Variants in CALN1 observed in about 807,000 individuals in gnomAD.
CALN1 encodes the protein calcium-binding protein 8.
CALN1 carries 17 observed loss-of-function variants against 30.6 expected under a neutral mutation model. The ratio of observed to expected loss-of-function variants is 0.56; its 90% confidence interval spans 0.38 to 0.83. The LOEUF (loss-of-function observed/expected upper bound fraction) is 0.83. CALN1 is among the 40% of genes least tolerant of loss of function. CALN1 has a pLI of 0.00. For synonymous variants in CALN1, 156 were observed against 131.4 expected (o/e 1.19, Z -1.28); for missense variants, 291 against 354.9 (o/e 0.82, Z 1.45).
At chr7:72,190,842 TATTA>T (rs907380002) in intron 3 of CALN1, among the ~76,000 whole-genome samples, 29 of 85,268 alleles carry the variant, frequency 3.4e-4, no homozygotes, top group Admixed American at 1.4e-4. Context: ...ATCGATTTAT[TATTA>T]TTTTTTTTCA....
rs1249859568 is a variant in CALN1, at chr7:72,250,018, C to A, written c.244+28668G>T. 2.0e-5 allele frequency among the ~76,000 whole-genome samples: 3 copies of A among 151,606 alleles called. No homozygotes were observed. The Middle Eastern group carries it at 0.01, about 523-fold the overall frequency. The stretch of plus-strand genomic sequence containing the variant: ...GTGAACCATGCTGATCCTGCTAAGA[C>A]CGCTCCTTTAACTCAGATGGGCTCT... On this transcript the variant is annotated intron_variant, in intron 3 of 6. Coordinates refer to ENST00000395275, the MANE Select transcript of CALN1 (RefSeq NM_031468.4).
At chr7:72,068,318 G>A (rs1432617145) in intron 4 of CALN1, among the ~76,000 whole-genome samples, 3 of 152,116 alleles carry the variant, frequency 2.0e-5, no homozygotes, top group Non-Finnish European at 4.4e-5. Context: ...GATACGAGAA[G>A]GTTCTAATAT....
At chr7:72,249,276 C>T (rs749817860) in intron 3 of CALN1, among the ~76,000 whole-genome samples, 4 of 152,186 alleles carry the variant, frequency 2.6e-5, no homozygotes, top group Non-Finnish European at 5.9e-5. Context: ...GTGTCATCTT[C>T]CTGTACAAAG....
intron 5 of CALN1, among the ~76,000 whole-genome samples, chr7:71,958,654 G>C (rs1348361695): frequency 1.3e-5 from 2 of 152,196 alleles, no homozygotes; most frequent in African/African-American, 4.8e-5. Flanking sequence ...CCAATCCTAT[G>C]TTTGCGATCT....
chr7:72,270,808 G>A (rs913525900), intron 3 of CALN1, among the ~76,000 whole-genome samples: 1 of 152,112 alleles, frequency 6.6e-6, no homozygotes, highest in Non-Finnish European at 1.5e-5. Flanking sequence ...ATAAGCCAAG[G>A]AATAACCTAA....
At chr7:72,310,244 T>C (rs1301885134) in intron 2 of CALN1, among the ~76,000 whole-genome samples, 3 of 151,582 alleles carry the variant, frequency 2.0e-5, no homozygotes, top group Non-Finnish European at 4.4e-5. Flanking sequence ...CTACTCCATC[T>C]TAGTTTTGCC....
chr7:71,820,361 T>C (rs1233278004), intron 5 of CALN1, among the ~76,000 whole-genome samples: 1 of 152,184 alleles, frequency 6.6e-6, no homozygotes, highest in Non-Finnish European at 1.5e-5. Context: ...TACATCTCCC[T>C]AGAATGTACA....
chr7:72,118,213 T>G (rs1808131745), intron 3 of CALN1, among the ~76,000 whole-genome samples: 1 of 152,198 alleles, frequency 6.6e-6, no homozygotes, highest in Admixed American at 6.5e-5. Context: ...AGAAGGGCAT[T>G]TTTGTAACTT....
chr7:71,932,302 A>C (rs1795595593), intron 5 of CALN1, among the ~76,000 whole-genome samples: 1 of 152,078 alleles, frequency 6.6e-6, no homozygotes, highest in African/African-American at 2.4e-5. Context: ...TAACCTCCTG[A>C]GTAGCTGGGA....
At chr7:71,789,832 T>A (rs1793212395) in intron 6 of CALN1, among the ~76,000 whole-genome samples, 1 of 151,982 alleles carries the variant, frequency 6.6e-6, no homozygotes, top group Non-Finnish European at 1.5e-5. Context: ...GAAAAAGCAT[T>A]AGCCTGTAAT....
intron 5 of CALN1, among the ~76,000 whole-genome samples, chr7:71,996,061 C>A (rs941101163): frequency 3.3e-5 from 5 of 152,116 alleles, no homozygotes; most frequent in African/African-American, 1.2e-4. Context: ...CCTGTATAAA[C>A]CAGGCTGGCT....
the CALN1 span, among the ~76,000 whole-genome samples, chr7:72,499,854 T>C: frequency 0.21 from 10,670 of 51,418 alleles, 1,812 homozygotes; most frequent in East Asian, 0.35. Flanking sequence ...TCTTTCTTTC[T>C]TTCTTTCTTT....
chr7:72,472,899 C>T, the CALN1 span, among the ~76,000 whole-genome samples: 1 of 152,202 alleles, frequency 6.6e-6, no homozygotes, highest in African/African-American at 2.4e-5. Flanking sequence ...GGCTTAAATT[C>T]TTCCTTCAAC....
intron 2 of CALN1, among the ~76,000 whole-genome samples, chr7:72,357,453 T>G (rs990926981): frequency 6.6e-6 from 1 of 151,960 alleles, no homozygotes; most frequent in African/African-American, 2.4e-5. Flanking sequence ...GCAAATTTCT[T>G]ATCAAAGAAG....
chr7:72,325,457 C>T (rs947303077), intron 2 of CALN1, among the ~76,000 whole-genome samples: 10 of 151,982 alleles, frequency 6.6e-5, no homozygotes, highest in African/African-American at 1.9e-4. Context: ...AAAACTGAGC[C>T]GGGCGTGGTG....
At chr7:72,335,800 G>T (rs6968567) in intron 2 of CALN1, among the ~76,000 whole-genome samples, 1 of 152,106 alleles carries the variant, frequency 6.6e-6, no homozygotes, top group African/African-American at 2.4e-5. Flanking sequence ...AGGCTAAGAC[G>T]CAAGCCGATC....
chr7:72,297,071 T>C (rs1032989213), intron 2 of CALN1, among the ~76,000 whole-genome samples: 2 of 152,180 alleles, frequency 1.3e-5, no homozygotes, highest in African/African-American at 2.4e-5. Context: ...TTTAGTGCTA[T>C]AAATTTCCCT....
At chr7:72,215,596 A>AG (rs761621657) in intron 3 of CALN1, among the ~76,000 whole-genome samples, 491 of 149,994 alleles carry the variant, frequency 3.3e-3, no homozygotes, top group Middle Eastern at 6.9e-3. Context: ...TCCTGCTCAA[A>AG]AAAAAAAAAA....
intron 3 of CALN1, among the ~76,000 whole-genome samples, chr7:72,176,097 G>C (rs1789332239): frequency 6.6e-6 from 1 of 152,122 alleles, no homozygotes; most frequent in South Asian, 2.1e-4. Flanking sequence ...CTTCCACCCT[G>C]AACCCTTAAA....
Sources: allele counts gnomAD v4.1 joint callset (sites outside exome capture counted in the v4.1 genomes callset), GRCh38; gene constraint gnomAD v4.1.1; transcripts MANE v1.5; gene names NCBI Gene and HGNC (gene_info 2026-07-23, HGNC 2026-07-21).